ANKRD31: variants seen among roughly 807,000 people sequenced by gnomAD.
ANKRD31 encodes ankyrin repeat domain-containing protein 31.
In ANKRD31, 147 loss-of-function variants were observed where a neutral mutation model predicts 186.0. The observed-to-expected ratio is 0.79, with a 90% CI of 0.69 to 0.91. The LOEUF is 0.91. Ranked by LOEUF, ANKRD31 falls within the 40% of genes least tolerant of loss-of-function variation. The probability of loss-of-function intolerance (pLI) is 0.00; values close to 1 mark genes in which losing one functional copy is unlikely to be tolerated. For synonymous variants in ANKRD31, 673 were observed against 736.4 expected (o/e 0.91, Z 1.39); for missense variants, 1,986 against 2,148.8 (o/e 0.92, Z 1.50).
At chr5:75,228,198 C>T (rs1359439159) in intron 2 of ANKRD31, among the ~76,000 whole-genome samples, 1 of 152,078 alleles carries the variant, frequency 6.6e-6, no homozygotes, top group African/African-American at 2.4e-5. Context: ...GTGAAAATAC[C>T]CACTTTCTCC....
chr5:75,078,780 T>C (rs1178509981), intron 25 of ANKRD31, among the ~76,000 whole-genome samples: 3 of 152,228 alleles, frequency 2.0e-5, no homozygotes, highest in Non-Finnish European at 4.4e-5. Context: ...GAAATGCTTA[T>C]TTTTTTCCCT....
intron 25 of ANKRD31, among the ~76,000 whole-genome samples, chr5:75,069,270 G>A (rs532005526): frequency 1.0e-5 from 1 of 97,392 alleles, no homozygotes; most frequent in East Asian, 2.5e-4. Flanking sequence ...CTGACAGTCT[G>A]AGAGATTTTT....
At chr5:75,115,102 T>C (rs867184057) in intron 19 of ANKRD31, among the ~76,000 whole-genome samples, 2,331 of 151,322 alleles carry the variant, frequency 0.015, 28 homozygotes, top group Middle Eastern at 0.061. Context: ...GAAATAACGC[T>C]GCATATCTAC....
At chr5:75,129,331 G>A (rs1001463671) in intron 17 of ANKRD31, among the ~76,000 whole-genome samples, 1 of 152,124 alleles carries the variant, frequency 6.6e-6, no homozygotes, top group South Asian at 2.1e-4. Context: ...GCCTCAGGTA[G>A]TTTTTTATAG....
At chr5:75,194,639 AT>A (rs1674359143) in intron 7 of ANKRD31, among the ~76,000 whole-genome samples, 1 of 152,172 alleles carries the variant, frequency 6.6e-6, no homozygotes, top group Non-Finnish European at 1.5e-5. Context: ...TAGTGAATTG[AT>A]TAAATAAATT....
chr5:75,105,166 A>G lies in ANKRD31; in HGVS notation c.4393T>C (p.Leu1465=). The G allele has an allele frequency of 6.5e-7, 1 of 1,535,786 alleles. No individual in the cohort carries two copies. Among genetic ancestry groups the G allele is most frequent in the South Asian group, 1.2e-5 (1 of 83,788 alleles). The change falls in exon 22 of 26, where the codon TTG becomes CTG. Residue 1465 remains leucine, a synonymous_variant. Transcript: ENST00000506364. ...AAAAGGCTCTTCTGTCTTGCAGCCA[A>G]GTTGGCCAATTGTTCTCTCAGGGCT... ...HGALREQLAN[L]AARQKSLLVV...
rs547066810 is a variant in ANKRD31 at position 75,203,074 on chromosome 5, G to A, written c.403+3337C>T. Among the ~76,000 whole-genome samples the A allele has an allele frequency of 3.3e-5, 5 of 152,320 alleles. No homozygotes were observed. In the East Asian group the frequency reaches 7.7e-4, roughly 24 times the overall value. On this transcript the variant is annotated intron_variant, in intron 5 of 25. Coordinates refer to ENST00000506364, the MANE Select transcript of ANKRD31 (RefSeq NM_001372053.1). ...GGATCCCCCCAACTCAGCCTCCCTA[G>A]TAGCTGGGACTATAGGCATGCACTA... is the stretch of plus-strand genomic sequence containing the variant.
intron 3 of ANKRD31, among the ~76,000 whole-genome samples, chr5:75,216,827 T>G (rs142277253): frequency 4.9e-4 from 75 of 151,882 alleles, no homozygotes; most frequent in Middle Eastern, 3.4e-3. Context: ...TAAAAAAAAA[T>G]TGAGATCTTT....
At position 75,236,798 on chromosome 5, in the gene ANKRD31, T is replaced by A; in HGVS notation, c.-112A>T. 2 of 891,112 alleles carry A rather than the reference T, an allele frequency of 2.2e-6. No individual in the cohort carries two copies. Among genetic ancestry groups the A allele is most frequent in the Non-Finnish European group, 3.3e-6 (2 of 607,252 alleles). 55.2% of individuals were successfully genotyped at this position (891,112 alleles called of 1,614,324 possible). A position where few individuals can be genotyped will look rare whatever the true frequency, so the allele number is the denominator to read the frequency against. ...TTGTGAATTAAAAATAAAAATAATA[T>A]AATCGCAGCAGGAGCCGGGACTTGT... On this transcript the variant is annotated 5_prime_UTR_variant, in exon 1 of 26. Transcript: ENST00000506364.
At chr5:75,171,305 T>G (rs1274074580) in intron 10 of ANKRD31, among the ~76,000 whole-genome samples, 1 of 151,920 alleles carries the variant, frequency 6.6e-6, no homozygotes, top group Non-Finnish European at 1.5e-5. Flanking sequence ...TAGAAATCAA[T>G]AACAGAAAGG....
intron 20 of ANKRD31, among the ~76,000 whole-genome samples, chr5:75,108,023 A>G (rs1034573932): frequency 1.1e-4 from 16 of 152,002 alleles, no homozygotes; most frequent in Non-Finnish European, 2.2e-4. Flanking sequence ...AGCCATATAA[A>G]TATTTACATA....
chr5:75,084,412 T>G, intron 23 of ANKRD31, 38 bp from the exon 24 acceptor site: 1 of 1,381,298 alleles, frequency 7.2e-7, no homozygotes, highest in Non-Finnish European at 1.0e-6. Context: ...AAATCATACA[T>G]TCTGTAAGAA....
At chr5:75,222,442 A>C in intron 2 of ANKRD31, 84 bp from the exon 3 acceptor site, 1 of 927,736 alleles carries the variant, frequency 1.1e-6, no homozygotes, top group Non-Finnish European at 1.6e-6. Flanking sequence ...ATACGCATGC[A>C]AAATGTTATC....
intron 17 of ANKRD31, among the ~76,000 whole-genome samples, chr5:75,135,201 G>A (rs1050138433): frequency 2.6e-5 from 4 of 152,094 alleles, no homozygotes; most frequent in African/African-American, 9.7e-5. Context: ...AAAGGGTATT[G>A]AATTAGGAAA....
intron 10 of ANKRD31, among the ~76,000 whole-genome samples, chr5:75,170,210 A>G (rs1580472937): frequency 1.3e-5 from 2 of 152,170 alleles, no homozygotes; most frequent in South Asian, 4.1e-4. Flanking sequence ...TATGTATTCA[A>G]TGTCCTCATA....
intron 23 of ANKRD31, among the ~76,000 whole-genome samples, chr5:75,088,507 G>A (rs1745675499): frequency 6.6e-6 from 1 of 152,170 alleles, no homozygotes; most frequent in Non-Finnish European, 1.5e-5. Flanking sequence ...TCACAGAAAG[G>A]CATTTTTCCT....
intron 11 of ANKRD31, among the ~76,000 whole-genome samples, chr5:75,158,899 G>C (rs1466713400): frequency 6.6e-6 from 1 of 151,640 alleles, no homozygotes; most frequent in Non-Finnish European, 1.5e-5. Flanking sequence ...GCTTTGAGAG[G>C]GCCTATATGT....
chr5:75,229,063 G>T (rs1444109072), intron 2 of ANKRD31, among the ~76,000 whole-genome samples: 4 of 152,132 alleles, frequency 2.6e-5, no homozygotes, highest in African/African-American at 9.6e-5. Context: ...TCCAAAAAAA[G>T]ATTTTTTTAA....
Position 75,091,292 on chromosome 5 carries a change from C to T in ANKRD31, c.5441G>A (p.Ser1814Asn). The change falls in exon 23 of 26, where the codon AGT becomes AAT. Residue 1814 changes from serine (S) to asparagine (N), a missense_variant. Physicochemically the swap from Ser to Asn is conservative, Grantham distance 46 (BLOSUM62 1). Coordinates refer to ENST00000506364, the MANE Select transcript of ANKRD31 (RefSeq NM_001372053.1). The part of the protein sequence containing the change: ...TWLKDLLGGN[S>N]YVTWNYAWSK... ...CCAAGCATAATTCCAGGTCACATAA[C>T]TGTTGCCTCCCAGAAGATCCTTGAG... is the stretch of plus-strand genomic sequence containing the variant. The T allele has an allele frequency of 1.3e-6, 2 of 1,537,126 alleles. No individual in the cohort carries two copies. The highest frequency in any genetic ancestry group is 2.7e-5 in the African/African-American group (2 of 73,164).
Sources: gnomAD v4.1 joint callset for allele counts (sites outside exome capture counted in the v4.1 genomes callset) on GRCh38, gnomAD v4.1.1 for gene constraint, MANE v1.5 for transcripts, NCBI Gene and HGNC (gene_info 2026-07-23, HGNC 2026-07-21) for gene names.